Variants in DNAH11 observed in about 807,000 individuals in gnomAD.
DNAH11 encodes the protein axonemal beta dynein heavy chain 11.
In DNAH11, 442 loss-of-function variants were observed where a neutral mutation model predicts 526.0. The observed-to-expected ratio is 0.84, with a 90% confidence interval of 0.78 to 0.91. The LOEUF (loss-of-function observed/expected upper bound fraction) is 0.91. Among genes scored for constraint, DNAH11 ranks in the 40% least tolerant of loss-of-function variants. The probability of loss-of-function intolerance (pLI) is 0.00; values close to 1 mark genes in which losing one functional copy is unlikely to be tolerated. For missense variants in DNAH11, 6,989 were observed against 5,448.7 expected, an observed-to-expected ratio of 1.28 and a Z score of -8.90; for synonymous variants, 2,461 against 1,935.9, an observed-to-expected ratio of 1.27 and a Z score of -7.12.
chr7:21,588,458 C>T (rs1163444441), intron 10 of DNAH11, 54 bp from the exon 11 acceptor site: 3 of 1,602,690 alleles, frequency 1.9e-6, no homozygotes, highest in East Asian at 2.2e-5. Flanking sequence ...GGGTTGGAAA[C>T]CATTCTGACT....
chr7:21,775,237 T>C (rs1787622930), intron 56 of DNAH11, among the ~76,000 whole-genome samples: 1 of 152,178 alleles, frequency 6.6e-6, no homozygotes, highest in Non-Finnish European at 1.5e-5. Context: ...CCAGGACGGT[T>C]GGGATCAAGT....
rs115577051 is a variant in DNAH11, at chr7:21,776,427, A to G, written c.9336+2428A>G. Among the ~76,000 whole-genome samples the G allele has an allele frequency of 3.3e-3, 507 of 152,320 alleles. 3 individuals are homozygous for G. Among genetic ancestry groups the G allele is most frequent in the African/African-American group, 0.012 (483 of 41,580 alleles). ...TTGGAGAACCATATTGCAGAAGATC[A>G]GGTTGTATGGAGAGCGTAATGCCTG... On this transcript the variant is annotated intron_variant, in intron 56 of 81. Coordinates refer to ENST00000409508, the MANE Select transcript of DNAH11 (RefSeq NM_001277115.2).
At chr7:21,692,352 T>C (rs1203237559) in intron 35 of DNAH11, among the ~76,000 whole-genome samples, 1 of 152,194 alleles carries the variant, frequency 6.6e-6, no homozygotes, top group Non-Finnish European at 1.5e-5. Flanking sequence ...GAGCCTCCCA[T>C]ACCAATAATG....
chr7:21,815,859 C>T (rs1301860386), intron 63 of DNAH11, among the ~76,000 whole-genome samples: 1 of 152,042 alleles, frequency 6.6e-6, no homozygotes, highest in African/African-American at 2.4e-5. Context: ...CTTGCCCCTC[C>T]CTCCTCGATT....
intron 25 of DNAH11, among the ~76,000 whole-genome samples, chr7:21,626,210 G>A (rs1191903365): frequency 6.6e-6 from 1 of 152,126 alleles, no homozygotes; most frequent in Non-Finnish European, 1.5e-5. Context: ...GGGAATACGT[G>A]ATATTTGTCT....
intron 79 of DNAH11, 76 bp from the exon 80 acceptor site, chr7:21,899,260 C>T (rs114004354): frequency 6.2e-4 from 746 of 1,198,558 alleles, no homozygotes; most frequent in African/African-American, 5.6e-3. Flanking sequence ...CTGCCCTAAC[C>T]GCCCACAACA....
In DNAH11 at chr7:21,818,140, A is replaced by T. The variant is rs559377444; in HGVS notation, c.10569-77A>T. ...CATTTAGAATATCTACATTAAATATAATTTGATCATTTAAAAAATTTTGAA... is the reference window on the plus strand; with the variant it reads ...CATTTAGAATATCTACATTAAATATTATTTGATCATTTAAAAAATTTTGAA... On this transcript the variant is annotated intron_variant, in intron 64 of 81. Transcript: ENST00000409508. 2.3e-5 allele frequency: 33 copies of T among 1,422,946 alleles called. No individual in the cohort carries two copies. The African/African-American group carries it at 4.0e-4, about 17-fold the overall frequency. 88.1% of individuals were successfully genotyped at this position (1,422,946 alleles called of 1,614,324 possible).
rs751909037 is a variant in DNAH11 at position 21,774,004 on chromosome 7, G to C, written c.9336+5G>C. ...CTAAAAACCACAGCCTCTCAGGTAT[G>C]ACCAGGATGTGTTATTACTGAGTAA... On this transcript the variant is annotated splice_donor_5th_base_variant and intron_variant, in intron 56 of 81. Coordinates refer to ENST00000409508, the MANE Select transcript of DNAH11 (RefSeq NM_001277115.2). 2.2e-5 allele frequency: 34 copies of C among 1,546,628 alleles called. No homozygotes were observed. The highest frequency in any genetic ancestry group is 3.0e-5 in the Non-Finnish European group (34 of 1,148,088).
intron 56 of DNAH11, 66 bp from the exon 57 acceptor site, chr7:21,778,892 A>G (rs1024766870): frequency 3.8e-6 from 6 of 1,558,730 alleles, no homozygotes; most frequent in South Asian, 2.3e-5. Flanking sequence ...ATTCCCAGCA[A>G]TAAGCTCTAT....
At position 21,818,334 on chromosome 7, in the gene DNAH11, A is replaced by AG; in HGVS notation, c.10688dup (p.Tyr3565ValfsTer7). 6.2e-7 allele frequency: 1 copy of AG among 1,606,276 alleles called. No homozygotes were observed. The highest frequency in any genetic ancestry group is 8.5e-7 in the Non-Finnish European group (1 of 1,177,506). On this transcript the variant is annotated frameshift_variant, in exon 65 of 82. Transcript: ENST00000409508. LOFTEE classifies it high-confidence loss of function. Reference sequence around the variant, plus strand: ...TACTTGGCAGGAACACAATTAAAAAAGGAAAGTAAGTATTCTTGAATTTTT... The same window carrying AG: ...TACTTGGCAGGAACACAATTAAAAAAGGGAAAGTAAGTATTCTTGAATTTTT...
intron 50 of DNAH11, 101 bp downstream of exon 50, chr7:21,744,700 C>G (rs1314627213): frequency 1.3e-6 from 2 of 1,494,968 alleles, no homozygotes; most frequent in Non-Finnish European, 9.0e-7. Flanking sequence ...AAGGGCTTAC[C>G]TTTTTGCAAT....
intron 9 of DNAH11, among the ~76,000 whole-genome samples, chr7:21,586,517 GTATAGT>G (rs1784482791): frequency 6.6e-6 from 1 of 152,064 alleles, no homozygotes; most frequent in East Asian, 1.9e-4. Flanking sequence ...GATCCCTAAG[GTATAGT>G]TATAGTTACA....
intron 74 of DNAH11, among the ~76,000 whole-genome samples, chr7:21,876,048 T>C (rs937633259): frequency 6.6e-6 from 1 of 152,040 alleles, no homozygotes; most frequent in Non-Finnish European, 1.5e-5. Context: ...CATGCACGGC[T>C]AATTTTTTGA....
chr7:21,845,975 T>A (rs1006734247), intron 66 of DNAH11, among the ~76,000 whole-genome samples: 1 of 152,158 alleles, frequency 6.6e-6, no homozygotes, highest in Non-Finnish European at 1.5e-5. Flanking sequence ...TACCTAAGTG[T>A]TTCAGTTGTT....
At chr7:21,812,264 C>G (rs898627476) in intron 63 of DNAH11, among the ~76,000 whole-genome samples, 7 of 152,048 alleles carry the variant, frequency 4.6e-5, no homozygotes, top group Non-Finnish European at 4.4e-5. Flanking sequence ...GTCCATGGGT[C>G]TTAAAGGTGG....
intron 66 of DNAH11, among the ~76,000 whole-genome samples, chr7:21,850,416 T>TTA (rs1423013405): frequency 2.0e-5 from 3 of 151,802 alleles, no homozygotes; most frequent in Non-Finnish European, 1.5e-5. Flanking sequence ...ACGTTGTTTT[T>TTA]TATGTCTAGC....
chr7:21,896,874 CATA>C (rs1175649612), intron 79 of DNAH11, among the ~76,000 whole-genome samples: 1 of 152,068 alleles, frequency 6.6e-6, no homozygotes, highest in Non-Finnish European at 1.5e-5. Context: ...GCCTGGGCAA[CATA>C]ATGAGACCCT....
chr7:21,546,821 A>G (rs759150048), intron 2 of DNAH11, among the ~76,000 whole-genome samples: 13 of 152,200 alleles, frequency 8.5e-5, no homozygotes, highest in Non-Finnish European at 4.4e-5. Context: ...GGAAATTCCA[A>G]TTTAAAAAAT....
intron 61 of DNAH11, among the ~76,000 whole-genome samples, chr7:21,790,812 G>A (rs536973506): frequency 6.6e-6 from 1 of 152,294 alleles, no homozygotes; most frequent in Admixed American, 6.5e-5. Flanking sequence ...TCATGAACAG[G>A]GAAATCATGA....
Sources: gnomAD v4.1 joint callset for allele counts (sites outside exome capture counted in the v4.1 genomes callset) on GRCh38, gnomAD v4.1.1 for gene constraint, MANE v1.5 for transcripts, NCBI Gene and HGNC (gene_info 2026-07-23, HGNC 2026-07-21) for gene names.